The following ALDH7A1 variants were observed in gnomAD, a reference collection of about 807,000 sequenced individuals.
The protein encoded by ALDH7A1 is alpha-aminoadipic semialdehyde dehydrogenase.
ALDH7A1 carries 63 observed loss-of-function variants against 79.9 expected under a neutral mutation model. The observed-to-expected ratio is 0.79, with a 90% CI of 0.64 to 0.97. ALDH7A1 has a LOEUF of 0.97. Ranked by LOEUF, ALDH7A1 falls within the 50% of genes least tolerant of loss-of-function variation. The pLI is 0.00. For synonymous variants in ALDH7A1, 240 were observed against 231.2 expected, an observed-to-expected ratio of 1.04 and a Z score of -0.34; for missense variants, 627 against 665.2, an observed-to-expected ratio of 0.94 and a Z score of 0.63.
chr5:126,593,437 A>G lies in ALDH7A1; in HGVS notation c.193-33T>C, dbSNP rs780386633. 10 of 1,613,824 alleles carry G rather than the reference A, an allele frequency of 6.2e-6. 1 individual carries two copies. The South Asian group carries it at 1.1e-4, about 18-fold the overall frequency. ...CAAAAGGATGATGATCATGTATAGA[A>G]AACGTAATCCCTTTTGAAGTAAGGG... On this transcript the variant is annotated intron_variant, in intron 1 of 17. Transcript: ENST00000409134.
chr5:126,590,545 G>A (rs993936556), intron 3 of ALDH7A1, among the ~76,000 whole-genome samples: 3 of 151,916 alleles, frequency 2.0e-5, no homozygotes, highest in Non-Finnish European at 2.9e-5. Flanking sequence ...GTGAGACTCC[G>A]TCTCAAAAGA....
rs375090702 is a variant in ALDH7A1, at chr5:126,550,227, T to C, written c.1384A>G (p.Lys462Glu). Residue 462 changes from lysine (K) to glutamate (E), a missense_variant, in exon 15 of 18, where the codon AAA becomes GAA. By Grantham distance (56) the Lys-to-Glu change is moderately conservative. Transcript: ENST00000409134. ...CAGCGAAAGATTCTGCCCAGATCTT[T>C]GGTAAAGATGCTACTTGAAAGTCCC... ...KQGLSSSIFTKDLGRIFRWLG... is the reference protein window; with the variant it reads ...KQGLSSSIFTEDLGRIFRWLG... The C allele has an allele frequency of 6.2e-7, 1 of 1,613,392 alleles. No individual in the cohort carries two copies. The highest frequency in any genetic ancestry group is 8.5e-7 in the Non-Finnish European group (1 of 1,179,962).
intron 7 of ALDH7A1, among the ~76,000 whole-genome samples, chr5:126,573,749 C>A (rs1473669068): frequency 6.6e-6 from 1 of 151,376 alleles, no homozygotes; most frequent in Non-Finnish European, 1.5e-5. Context: ...CACCTGTAAT[C>A]CCAGCTACTT....
intron 10 of ALDH7A1, 129 bp downstream of exon 10, chr5:126,560,954 A>G (rs770259107): frequency 4.9e-6 from 5 of 1,020,672 alleles, no homozygotes; most frequent in South Asian, 4.3e-5. Context: ...TAAAATTCCT[A>G]AACACAGGAA....
intron 9 of ALDH7A1, among the ~76,000 whole-genome samples, chr5:126,566,922 G>GA (rs1331816911): frequency 6.6e-6 from 1 of 152,192 alleles, no homozygotes; most frequent in Non-Finnish European, 1.5e-5. Flanking sequence ...AAAAAGTAAA[G>GA]TAGAGCTTCC....
chr5:126,575,386 C>CA lies in ALDH7A1; in HGVS notation c.695+33dup, dbSNP rs775862989. On this transcript the variant is annotated intron_variant, in intron 7 of 17. Transcript: ENST00000409134. ...ATCAATAACCCTTTCAATATTATTCCATACCCAGGAAAAAGAAAGCCACAT... is the reference window on the plus strand; with the variant it reads ...ATCAATAACCCTTTCAATATTATTCCAATACCCAGGAAAAAGAAAGCCACAT... The CA allele has an allele frequency of 1.2e-5, 19 of 1,604,174 alleles. No individual in the cohort carries two copies. In the Admixed American group the frequency reaches 2.8e-4, roughly 24 times the overall value.
intron 5 of ALDH7A1, among the ~76,000 whole-genome samples, chr5:126,580,649 T>G (rs1384378031): frequency 6.6e-6 from 1 of 152,176 alleles, no homozygotes; most frequent in African/African-American, 2.4e-5. Context: ...ATCATGGAAA[T>G]TTAGAAAATG....
rs754537923 is a variant in ALDH7A1 at position 126,582,873 on chromosome 5, T to C, written c.495A>G (p.Gly165=). 1 of 1,612,752 alleles carries C rather than the reference T, an allele frequency of 6.2e-7. No individual in the cohort carries two copies. Among genetic ancestry groups the C allele is most frequent in the South Asian group, 1.1e-5 (1 of 91,020 alleles). ...TACTTTCAGAAGGCAAGATAGGTCC[T>C]CCAATCATCCTTGATAAACCAACAG... is the stretch of plus-strand genomic sequence containing the variant. ...DYAVGLSRMI[G]GPILPSERSG... is the part of the protein sequence containing the mutation. The change falls in exon 5 of 18, where the codon GGA becomes GGG. Residue 165 remains glycine, a synonymous_variant. Coordinates refer to ENST00000409134, the MANE Select transcript of ALDH7A1 (RefSeq NM_001182.5).
chr5:126,565,848 C>T (rs999313600), intron 9 of ALDH7A1, among the ~76,000 whole-genome samples: 6 of 152,204 alleles, frequency 3.9e-5, no homozygotes, highest in Non-Finnish European at 7.3e-5. Context: ...AAAGACCATC[C>T]TTTCCCCATT....
At position 126,543,581 on chromosome 5, in the gene ALDH7A1, TAATTCAACCCCA is replaced by T. The variant is rs1243108764; in HGVS notation, c.*1372_*1383del. 2 of 152,242 alleles carry T rather than the reference TAATTCAACCCCA, an allele frequency of 1.3e-5. No homozygotes were observed. The highest frequency in any genetic ancestry group is 2.9e-5 in the Non-Finnish European group (2 of 68,048). The allele number at this position is 152,242 out of a possible 1,614,324, so 9.4% of individuals were successfully genotyped here. On this transcript the variant is annotated 3_prime_UTR_variant, in exon 18 of 18. Transcript: ENST00000409134. ...TTCATTTGCTTACTTCTCTGGGCCA[TAATTCAACCCCA>T]AATTATTTGCCATTTGTCCAGATCT...
chr5:126,578,513 T>C (rs924435370), intron 5 of ALDH7A1, among the ~76,000 whole-genome samples: 3 of 151,352 alleles, frequency 2.0e-5, no homozygotes, highest in African/African-American at 7.3e-5. Flanking sequence ...TGATTGGTTA[T>C]ATGCCTGTAG....
intron 5 of ALDH7A1, among the ~76,000 whole-genome samples, chr5:126,578,433 T>C (rs1751051849): frequency 6.6e-6 from 1 of 151,968 alleles, no homozygotes; most frequent in Admixed American, 6.6e-5. Flanking sequence ...TCACTTGAGC[T>C]CAGTTTGAGA....
intron 7 of ALDH7A1, among the ~76,000 whole-genome samples, chr5:126,574,760 C>A (rs867020325): frequency 6.6e-6 from 1 of 151,660 alleles, no homozygotes; most frequent in South Asian, 2.1e-4. Context: ...ACAGTCTCCA[C>A]CCCAATTTCT....
At chr5:126,561,318 A>G in intron 9 of ALDH7A1, 194 bp from the exon 10 acceptor site, 1 of 407,994 alleles carries the variant, frequency 2.5e-6, no homozygotes, top group Non-Finnish European at 4.4e-6. Flanking sequence ...TAATTTATAA[A>G]GTAGCATTAC....
chr5:126,557,804 C>T (rs1045437217), intron 11 of ALDH7A1, among the ~76,000 whole-genome samples: 2 of 151,986 alleles, frequency 1.3e-5, no homozygotes, highest in Non-Finnish European at 2.9e-5. Flanking sequence ...ATAAAAAAGG[C>T]TCAAGTCCAA....
At chr5:126,547,190 G>A (rs776986007) in intron 16 of ALDH7A1, among the ~76,000 whole-genome samples, 3 of 152,312 alleles carry the variant, frequency 2.0e-5, no homozygotes, top group Non-Finnish European at 2.9e-5. Flanking sequence ...AGCAGTAAAT[G>A]GGACTGGGAT....
At chr5:126,590,740 A>C (rs1179618239) in intron 3 of ALDH7A1, among the ~76,000 whole-genome samples, 2 of 152,134 alleles carry the variant, frequency 1.3e-5, no homozygotes, top group Non-Finnish European at 2.9e-5. Context: ...CAAAAAAATT[A>C]GCCAGGCATG....
In ALDH7A1 at chr5:126,542,145, A is replaced by AG. The variant is rs780063692; in HGVS notation, c.*2819dup. 1.1e-4 allele frequency: 13 copies of AG among 114,198 alleles called. No individual in the cohort carries two copies. The East Asian group carries it at 2.1e-3, about 19-fold the overall frequency. The allele number at this position is 114,198 out of a possible 1,614,324, so 7.1% of individuals were successfully genotyped here. The stretch of plus-strand genomic sequence containing the variant: ...CTTCTGCAGGATAAGCTCCAGGTGT[A>AG]GAAAAAAAAAAAAAAAAAAAAGTTT... On this transcript the variant is annotated 3_prime_UTR_variant, in exon 18 of 18. Transcript: ENST00000409134.
At chr5:126,578,684 A>T (rs540451888) in intron 5 of ALDH7A1, among the ~76,000 whole-genome samples, 1 of 152,156 alleles carries the variant, frequency 6.6e-6, no homozygotes, top group East Asian at 1.9e-4. Context: ...AAACAAACAA[A>T]AATATTGTAT....
Sources: allele counts gnomAD v4.1 joint callset (sites outside exome capture counted in the v4.1 genomes callset), GRCh38; gene constraint gnomAD v4.1.1; transcripts MANE v1.5; gene names NCBI Gene and HGNC (gene_info 2026-07-23, HGNC 2026-07-21).